KCTD8: variants seen among roughly 807,000 people sequenced by gnomAD.
KCTD8 encodes the protein BTB/POZ domain-containing protein KCTD8.
KCTD8 carries 27 observed loss-of-function variants against 31.5 expected under a neutral mutation model. The observed-to-expected ratio is 0.86, with a 90% confidence interval of 0.63 to 1.18. The LOEUF (loss-of-function observed/expected upper bound fraction) is 1.18, where lower values mean the gene tolerates loss of function less well. Ranked by LOEUF, KCTD8 falls within the 50% of genes most tolerant of loss-of-function variation. The pLI is 0.00. For missense variants in KCTD8, 658 were observed against 647.7 expected, an observed-to-expected ratio of 1.02 and a Z score of -0.17; for synonymous variants, 290 against 280.0, an observed-to-expected ratio of 1.04 and a Z score of -0.36.
intron 1 of KCTD8, among the ~76,000 whole-genome samples, chr4:44,300,154 T>A (rs1392638864): frequency 6.6e-6 from 1 of 152,286 alleles, no homozygotes; most frequent in Admixed American, 6.5e-5. Flanking sequence ...AATAACATGC[T>A]GTTTTGATTT....
intron 1 of KCTD8, among the ~76,000 whole-genome samples, chr4:44,219,851 C>A (rs559470718): frequency 6.6e-6 from 1 of 152,230 alleles, no homozygotes; most frequent in South Asian, 2.1e-4. Context: ...CAATGACTGA[C>A]CTGTATCAGC....
At chr4:44,389,107 G>A (rs955190488) in intron 1 of KCTD8, among the ~76,000 whole-genome samples, 2 of 151,780 alleles carry the variant, frequency 1.3e-5, no homozygotes, top group African/African-American at 4.8e-5. Flanking sequence ...AGAGCAGCAT[G>A]ATGGTTACTA....
chr4:44,302,342 A>G (rs1482954738), intron 1 of KCTD8, among the ~76,000 whole-genome samples: 1 of 152,092 alleles, frequency 6.6e-6, no homozygotes, highest in Admixed American at 6.5e-5. Flanking sequence ...GATTCTTCCT[A>G]CCCATGAGCA....
intron 1 of KCTD8, among the ~76,000 whole-genome samples, chr4:44,198,654 G>A (rs1308960411): frequency 1.3e-5 from 2 of 151,972 alleles, no homozygotes; most frequent in East Asian, 1.9e-4. Context: ...AGGTCCTTAA[G>A]GAAATGATAA....
intron 1 of KCTD8, among the ~76,000 whole-genome samples, chr4:44,429,666 A>G (rs1721427543): frequency 2.6e-5 from 4 of 151,876 alleles, no homozygotes; most frequent in Admixed American, 1.3e-4. Flanking sequence ...TTTTTAATTA[A>G]AGGAACTCTG....
chr4:44,208,995 T>C (rs1010047385), intron 1 of KCTD8, among the ~76,000 whole-genome samples: 1 of 152,160 alleles, frequency 6.6e-6, no homozygotes, highest in Non-Finnish European at 1.5e-5. Context: ...TTTCCTTGGA[T>C]ATAGATTTTA....
intron 1 of KCTD8, among the ~76,000 whole-genome samples, chr4:44,224,550 G>A (rs1208246423): frequency 6.6e-6 from 1 of 151,734 alleles, no homozygotes; most frequent in Non-Finnish European, 1.5e-5. Context: ...TTTCTTGTGT[G>A]TGTAATTTCT....
chr4:44,404,478 C>T (rs1720738399), intron 1 of KCTD8, among the ~76,000 whole-genome samples: 1 of 152,136 alleles, frequency 6.6e-6, no homozygotes, highest in South Asian at 2.1e-4. Context: ...CTAAATATGA[C>T]ATTTTATATT....
chr4:44,205,537 C>T (rs943799082), intron 1 of KCTD8, among the ~76,000 whole-genome samples: 5 of 150,388 alleles, frequency 3.3e-5, no homozygotes, highest in Admixed American at 1.3e-4. Context: ...CTGTAAAGTT[C>T]TCTAAAATAA....
chr4:44,301,978 C>G (rs1717637833), intron 1 of KCTD8, among the ~76,000 whole-genome samples: 1 of 152,132 alleles, frequency 6.6e-6, no homozygotes, highest in Non-Finnish European at 1.5e-5. Context: ...ATAGGGAATC[C>G]TTTCCCCATT....
At chr4:44,395,004 T>A (rs1386258543) in intron 1 of KCTD8, among the ~76,000 whole-genome samples, 6 of 152,086 alleles carry the variant, frequency 3.9e-5, no homozygotes, top group African/African-American at 1.4e-4. Context: ...GATAGTTGTG[T>A]TTACAGCAAG....
At chr4:44,194,815 C>CCCTT (rs1167841653) in intron 1 of KCTD8, among the ~76,000 whole-genome samples, 66 of 94,762 alleles carry the variant, frequency 7.0e-4, no homozygotes, top group East Asian at 1.4e-3. Context: ...CTCCCTCCCT[C>CCCTT]CCTTCCTTCC....
chr4:44,320,994 G>A (rs1227942891), intron 1 of KCTD8, among the ~76,000 whole-genome samples: 1 of 152,170 alleles, frequency 6.6e-6, no homozygotes, highest in Non-Finnish European at 1.5e-5. Context: ...ATTCCCAGGT[G>A]TATTTGTAAA....
chr4:44,440,878 A>T (rs1721794737), intron 1 of KCTD8, among the ~76,000 whole-genome samples: 1 of 152,220 alleles, frequency 6.6e-6, no homozygotes, highest in Non-Finnish European at 1.5e-5. Context: ...TTCACTTAGC[A>T]TTACATGACT....
chr4:44,270,521 C>T (rs1322102354), intron 1 of KCTD8, among the ~76,000 whole-genome samples: 5 of 151,700 alleles, frequency 3.3e-5, no homozygotes, highest in African/African-American at 9.7e-5. Flanking sequence ...TGCACATGTA[C>T]CCTAAAACTT....
intron 1 of KCTD8, among the ~76,000 whole-genome samples, chr4:44,347,791 T>C (rs1560432320): frequency 6.6e-6 from 1 of 152,190 alleles, no homozygotes; most frequent in Non-Finnish European, 1.5e-5. Flanking sequence ...AATTTAGCAG[T>C]ATTATATGCA....
At chr4:44,316,860 C>T (rs1173608469) in intron 1 of KCTD8, among the ~76,000 whole-genome samples, 14 of 145,400 alleles carry the variant, frequency 9.6e-5, no homozygotes, top group Admixed American at 9.6e-4. Flanking sequence ...CGCCTGTAGT[C>T]CCAGATACTT....
chr4:44,393,485 A>G (rs964421478), intron 1 of KCTD8, among the ~76,000 whole-genome samples: 8 of 151,724 alleles, frequency 5.3e-5, no homozygotes, highest in African/African-American at 1.4e-4. Context: ...TAAATGTATT[A>G]TATTTCCAAA....
chr4:44,186,229 A>C (rs1206807098), intron 1 of KCTD8, among the ~76,000 whole-genome samples: 2 of 152,166 alleles, frequency 1.3e-5, no homozygotes, highest in African/African-American at 4.8e-5. Context: ...GCAGGCCATC[A>C]ACTGGGGGAG....
Sources: allele counts gnomAD v4.1 joint callset (sites outside exome capture counted in the v4.1 genomes callset), GRCh38; gene constraint gnomAD v4.1.1; transcripts MANE v1.5; gene names NCBI Gene and HGNC (gene_info 2026-07-23, HGNC 2026-07-21).